Variants in IFT80 observed in about 807,000 individuals in gnomAD.
The protein encoded by IFT80 is intraflagellar transport 80.
A neutral mutation model predicts 107.9 loss-of-function variants in IFT80; 79 were observed. That is an observed-to-expected ratio of 0.73 (90% confidence interval 0.61 to 0.88). IFT80 has a LOEUF of 0.88. IFT80 is among the 40% of genes least tolerant of loss of function. IFT80 has a pLI of 0.00. For synonymous variants in IFT80, 299 were observed against 300.9 expected (o/e 0.99, Z 0.07); for missense variants, 797 against 914.2 (o/e 0.87, Z 1.65).
intron 12 of IFT80, among the ~76,000 whole-genome samples, chr3:160,293,213 T>A (rs769893499): frequency 4.6e-5 from 7 of 152,228 alleles, no homozygotes; most frequent in Admixed American, 2.6e-4. Flanking sequence ...TGAAGCCATA[T>A]ATTGCTGAGA....
intron 8 of IFT80, among the ~76,000 whole-genome samples, chr3:160,338,106 C>G (rs1476045789): frequency 6.6e-6 from 1 of 152,142 alleles, no homozygotes; most frequent in African/African-American, 2.4e-5. Flanking sequence ...AATAAGGTGG[C>G]TTCAACCACA....
chr3:160,392,446 A>G (rs1328437277), intron 1 of IFT80, among the ~76,000 whole-genome samples: 1 of 152,198 alleles, frequency 6.6e-6, no homozygotes, highest in East Asian at 1.9e-4. Flanking sequence ...TTTCAAATTT[A>G]ACAAGATCCA....
Position 160,268,440 on chromosome 3 carries a change from A to T in IFT80, c.2196T>A (p.Asn732Lys). ...FLETFGKQET[N>K]KRYLHYAEGL... ...CTTCTGCATAATGCAAGTATCGTTTATTAGTTTCCTGTTTACCAAATGTCT... is the reference window on the plus strand; with the variant it reads ...CTTCTGCATAATGCAAGTATCGTTTTTTAGTTTCCTGTTTACCAAATGTCT... Residue 732 changes from asparagine (N) to lysine (K), a missense_variant, in exon 19 of 20, where the codon AAT becomes AAA. By Grantham distance (94) the Asn-to-Lys change is moderately conservative. Coordinates refer to ENST00000326448, the MANE Select transcript of IFT80 (RefSeq NM_020800.3). The T allele has an allele frequency of 6.2e-7, 1 of 1,613,242 alleles. No homozygotes were observed.
chr3:160,286,507 A>G (rs1715104956), intron 12 of IFT80, among the ~76,000 whole-genome samples: 1 of 152,192 alleles, frequency 6.6e-6, no homozygotes, highest in South Asian at 2.1e-4. Context: ...AGAGCACACA[A>G]TGGTTTGTGA....
chr3:160,289,180 C>A (rs1576757578), intron 12 of IFT80, among the ~76,000 whole-genome samples: 1 of 152,134 alleles, frequency 6.6e-6, no homozygotes, highest in Admixed American at 6.5e-5. Context: ...AGCTGGAGGC[C>A]ATCATCCTTA....
At chr3:160,385,361 C>CT (rs1182357360) in intron 1 of IFT80, among the ~76,000 whole-genome samples, 1 of 152,148 alleles carries the variant, frequency 6.6e-6, no homozygotes, top group Non-Finnish European at 1.5e-5. Context: ...GCTAAATTGT[C>CT]TGAGTCCGAT....
chr3:160,280,447 A>G (rs1255259818), intron 15 of IFT80, among the ~76,000 whole-genome samples: 34 of 152,200 alleles, frequency 2.2e-4, no homozygotes, highest in Admixed American at 2.2e-3. Flanking sequence ...CTTGAAAATT[A>G]TATTCATATA....
chr3:160,306,665 A>G (rs1316672151), intron 10 of IFT80, among the ~76,000 whole-genome samples: 1 of 151,918 alleles, frequency 6.6e-6, no homozygotes, highest in African/African-American at 2.4e-5. Context: ...ATTATTCCAG[A>G]TTTGGCTATT....
At chr3:160,341,187 T>C (rs778938998) in intron 8 of IFT80, among the ~76,000 whole-genome samples, 42 of 152,104 alleles carry the variant, frequency 2.8e-4, no homozygotes, top group Non-Finnish European at 5.3e-4. Flanking sequence ...TTTCTGGTAC[T>C]TTTTGTAGAG....
chr3:160,313,304 C>T (rs1042509569), intron 9 of IFT80, among the ~76,000 whole-genome samples: 1 of 150,204 alleles, frequency 6.7e-6, no homozygotes, highest in African/African-American at 2.5e-5. Flanking sequence ...TTTATAGCAA[C>T]ATGCTATCTA....
intron 1 of IFT80, among the ~76,000 whole-genome samples, chr3:160,388,134 T>C (rs781008641): frequency 5.9e-5 from 9 of 151,706 alleles, no homozygotes; most frequent in Non-Finnish European, 1.0e-4. Context: ...AAATATTCAT[T>C]GAATGAGGGA....
intron 8 of IFT80, among the ~76,000 whole-genome samples, chr3:160,320,320 A>G (rs1718114409): frequency 6.6e-6 from 1 of 151,980 alleles, no homozygotes; most frequent in South Asian, 2.1e-4. Flanking sequence ...TCTCATTACA[A>G]TATTTTAAGA....
chr3:160,287,687 T>C (rs954281815), intron 12 of IFT80, among the ~76,000 whole-genome samples: 3 of 152,168 alleles, frequency 2.0e-5, no homozygotes, highest in African/African-American at 7.2e-5. Flanking sequence ...GCTCACTAAA[T>C]GCATAGGAAA....
At position 160,258,271 on chromosome 3, in the gene IFT80, A is replaced by AG. The variant is rs543920891; in HGVS notation, c.*253_*254insC. On this transcript the variant is annotated 3_prime_UTR_variant, in exon 20 of 20. Coordinates refer to ENST00000326448, the MANE Select transcript of IFT80 (RefSeq NM_020800.3). The stretch of plus-strand genomic sequence containing the variant: ...GTAATGGGCAAAAAACTGACATATA[A>AG]TCGACACTACACAGGTATCTCTTAA... 645 of 481,886 alleles carry AG rather than the reference A, an allele frequency of 1.3e-3. 1 individual carries two copies. The highest frequency in any genetic ancestry group is 0.011 in the African/African-American group (571 of 51,460). 29.9% of individuals were successfully genotyped at this position (481,886 alleles called of 1,614,324 possible).
At chr3:160,384,488 G>A in intron 2 of IFT80, 76 bp downstream of exon 2, 1 of 1,363,776 alleles carries the variant, frequency 7.3e-7, no homozygotes, top group Non-Finnish European at 9.8e-7. Context: ...CTTCAACTAG[G>A]ATATAAAATA....
At chr3:160,370,443 T>G (rs1300959708) in intron 5 of IFT80, among the ~76,000 whole-genome samples, 2 of 152,198 alleles carry the variant, frequency 1.3e-5, no homozygotes, top group Non-Finnish European at 2.9e-5. Flanking sequence ...CCTTTTCATT[T>G]TATTTGTAGG....
chr3:160,295,582 G>T (rs1715912496), intron 12 of IFT80, among the ~76,000 whole-genome samples: 1 of 151,970 alleles, frequency 6.6e-6, no homozygotes, highest in Non-Finnish European at 1.5e-5. Flanking sequence ...CTGGGTGAAA[G>T]AGTGAGACCC....
rs141809775 is a variant in IFT80 at position 160,263,892 on chromosome 3, C to T, written c.2223+4521G>A. ...GGGTTTCACTGTGTTAGGATGGTCT[C>T]GATCTCCTGAACTTGTGATCTGCCC... On this transcript the variant is annotated intron_variant, in intron 19 of 19. Coordinates refer to ENST00000326448, the MANE Select transcript of IFT80 (RefSeq NM_020800.3). 3.2e-3 allele frequency among the ~76,000 whole-genome samples: 489 copies of T among 152,146 alleles called. 2 individuals carry two copies. The highest frequency in any genetic ancestry group is 0.011 in the African/African-American group (468 of 41,532).
chr3:160,271,197 C>G (rs951455787), intron 18 of IFT80, among the ~76,000 whole-genome samples: 8 of 152,090 alleles, frequency 5.3e-5, no homozygotes, highest in Non-Finnish European at 1.0e-4. Context: ...TGTTTCTTCT[C>G]CACATTTAGG....
Sources: gnomAD v4.1 joint callset for allele counts (sites outside exome capture counted in the v4.1 genomes callset) on GRCh38, gnomAD v4.1.1 for gene constraint, MANE v1.5 for transcripts, NCBI Gene and HGNC (gene_info 2026-07-23, HGNC 2026-07-21) for gene names.